Variants in COL4A3 observed in about 807,000 individuals in gnomAD.
The protein encoded by COL4A3 is collagen alpha-3(IV) chain.
COL4A3 carries 135 observed loss-of-function variants against 217.4 expected under a neutral mutation model. The observed-to-expected ratio is 0.62, with a 90% CI of 0.54 to 0.72. COL4A3 has a LOEUF of 0.72. Among genes scored for constraint, COL4A3 ranks in the 30% least tolerant of loss-of-function variants. The pLI, the probability that COL4A3 is intolerant of heterozygous loss-of-function variation, is 0.00. For missense variants in COL4A3, 1,868 were observed against 2,119.9 expected (o/e 0.88, Z 2.33); for synonymous variants, 690 against 736.3 (o/e 0.94, Z 1.02).
intron 1 of COL4A3, among the ~76,000 whole-genome samples, chr2:227,219,678 G>C (rs1017763455): frequency 1.6e-4 from 24 of 152,118 alleles, no homozygotes; most frequent in Non-Finnish European, 2.2e-4. Flanking sequence ...CCCATAGTCT[G>C]TTTTTAGTGC....
chr2:227,256,077 A>C lies in COL4A3; in HGVS notation c.933+7A>C. ...TGGCTTCCCTGGAAGTGAGGTATAG[A>C]GTTGATTTGGCCTATGGAGGTAGTA... On this transcript the variant is annotated splice_region_variant and intron_variant, in intron 16 of 51. Transcript: ENST00000396578. The C allele has an allele frequency of 2.5e-6, 4 of 1,613,774 alleles. No individual in the cohort carries two copies. Among genetic ancestry groups the C allele is most frequent in the Non-Finnish European group, 3.4e-6 (4 of 1,179,712 alleles).
chr2:227,254,259 G>GTTTTT, intron 14 of COL4A3, 85 bp downstream of exon 14: 1 of 994,836 alleles, frequency 1.0e-6, no homozygotes, highest in Non-Finnish European at 1.5e-6. Context: ...GTCTTAAGTT[G>GTTTTT]TTTTTTTTTT....
At chr2:227,200,692 T>C (rs895756181) in intron 1 of COL4A3, among the ~76,000 whole-genome samples, 4 of 152,212 alleles carry the variant, frequency 2.6e-5, no homozygotes, top group African/African-American at 9.6e-5. Context: ...TAGAAACTTA[T>C]GCACAGACTC....
chr2:227,220,948 C>A (rs956522898), intron 1 of COL4A3: 10 of 152,112 alleles, frequency 6.6e-5, no homozygotes, highest in African/African-American at 2.4e-4. Context: ...AGTGGAGAGT[C>A]CTATAACTCA....
At chr2:227,303,820 A>C (rs769482612) in intron 44 of COL4A3, 39 bp from the exon 45 acceptor site, 2 of 1,590,164 alleles carry the variant, frequency 1.3e-6, no homozygotes, top group East Asian at 4.5e-5. Flanking sequence ...AAACCCATTG[A>C]TCTAAGTGGA....
chr2:227,168,493 T>G (rs557788773), intron 1 of COL4A3, among the ~76,000 whole-genome samples: 3 of 152,360 alleles, frequency 2.0e-5, no homozygotes, highest in African/African-American at 7.2e-5. Flanking sequence ...TTTGCCTTTT[T>G]GTTGCTAATT....
rs2072984060 is a variant in COL4A3 at position 227,295,335 on chromosome 2, C to T, written c.3565+19C>T. The T allele has an allele frequency of 1.2e-6, 2 of 1,611,872 alleles. No homozygotes were observed. Among genetic ancestry groups the T allele is most frequent in the Non-Finnish European group, 1.7e-6 (2 of 1,177,914 alleles). ...GCTCAAGGTAAGCAGTTCTTCTTCCCTGTCCTAATGTACACATTTTCAAGG... is the reference window on the plus strand; with the variant it reads ...GCTCAAGGTAAGCAGTTCTTCTTCCTTGTCCTAATGTACACATTTTCAAGG... On this transcript the variant is annotated intron_variant, in intron 41 of 51. Transcript: ENST00000396578.
chr2:227,300,795 G>A (rs1443768099), intron 43 of COL4A3, among the ~76,000 whole-genome samples: 2 of 152,212 alleles, frequency 1.3e-5, no homozygotes, highest in Non-Finnish European at 2.9e-5. Context: ...ACTGTAGAGG[G>A]AAGGTGTTCA....
intron 1 of COL4A3, among the ~76,000 whole-genome samples, chr2:227,167,892 G>GTT (rs1190314247): frequency 1.3e-5 from 2 of 152,120 alleles, no homozygotes; most frequent in Non-Finnish European, 2.9e-5. Flanking sequence ...TCCCTGCACA[G>GTT]TTTTGTGTGT....
At chr2:227,255,417 C>T (rs1390086788) in intron 15 of COL4A3, among the ~76,000 whole-genome samples, 2 of 152,140 alleles carry the variant, frequency 1.3e-5, no homozygotes, top group African/African-American at 4.8e-5. Flanking sequence ...AAAAGTTATA[C>T]ATTTGGAAAA....
intron 1 of COL4A3, among the ~76,000 whole-genome samples, chr2:227,230,611 G>A (rs1156425649): frequency 1.3e-5 from 2 of 152,084 alleles, no homozygotes; most frequent in Non-Finnish European, 2.9e-5. Context: ...AAAAAAATGG[G>A]TCCAACAATG....
chr2:227,194,452 G>A (rs1200748506), intron 1 of COL4A3, among the ~76,000 whole-genome samples: 1 of 152,072 alleles, frequency 6.6e-6, no homozygotes, highest in Non-Finnish European at 1.5e-5. Context: ...TAGAGGCCCT[G>A]ACCTCGCTCT....
At chr2:227,286,841 C>T (rs2072358803) in intron 34 of COL4A3, among the ~76,000 whole-genome samples, 1 of 152,208 alleles carries the variant, frequency 6.6e-6, no homozygotes, top group African/African-American at 2.4e-5. Context: ...CAAGTTTATT[C>T]ACCACTTGCA....
At chr2:227,292,152 G>C (rs1199252666) in intron 37 of COL4A3, among the ~76,000 whole-genome samples, 2 of 152,062 alleles carry the variant, frequency 1.3e-5, no homozygotes, top group African/African-American at 4.8e-5. Flanking sequence ...GTATTACTTA[G>C]GGAACCTTCT....
At chr2:227,241,797 A>G (rs976456752) in intron 3 of COL4A3, among the ~76,000 whole-genome samples, 13 of 152,130 alleles carry the variant, frequency 8.5e-5, no homozygotes, top group African/African-American at 3.1e-4. Flanking sequence ...TGGGCCATCT[A>G]TTTCTCCCTG....
intron 14 of COL4A3, 68 bp downstream of exon 14, chr2:227,254,242 G>C (rs984073062): frequency 7.9e-6 from 11 of 1,385,070 alleles, no homozygotes; most frequent in Non-Finnish European, 1.1e-5. Flanking sequence ...ACTTTGATGT[G>C]TGTTTTGTCT....
intron 26 of COL4A3, 97 bp from the exon 27 acceptor site, chr2:227,276,288 G>A (rs2071555749): frequency 2.2e-6 from 2 of 897,232 alleles, no homozygotes; most frequent in South Asian, 2.8e-5. Context: ...TATTTTTTGG[G>A]GATATGTTTA....
chr2:227,301,712 G>A (rs541449580), intron 43 of COL4A3: 40 of 152,334 alleles, frequency 2.6e-4, no homozygotes, highest in Non-Finnish European at 5.4e-4. Context: ...CTTGATGGAT[G>A]TCTCAACTGG....
intron 1 of COL4A3, chr2:227,228,649 G>A (rs972951878): frequency 6.6e-6 from 1 of 152,152 alleles, no homozygotes; most frequent in African/African-American, 2.4e-5. Flanking sequence ...ACAGTAGAGA[G>A]AGAAATAGTC....
Sources: gnomAD v4.1 joint callset for allele counts (sites outside exome capture counted in the v4.1 genomes callset) on GRCh38, gnomAD v4.1.1 for gene constraint, MANE v1.5 for transcripts, NCBI Gene and HGNC (gene_info 2026-07-23, HGNC 2026-07-21) for gene names.